Variants in SLC24A2 observed in about 807,000 individuals in gnomAD.
SLC24A2 encodes sodium/potassium/calcium exchanger 2.
In SLC24A2, 36 loss-of-function variants were observed where a neutral mutation model predicts 62.0. That is an observed-to-expected ratio of 0.58 (90% confidence interval 0.44 to 0.77). SLC24A2 has a LOEUF of 0.77. Among genes scored for constraint, SLC24A2 ranks in the 30% least tolerant of loss-of-function variants. The pLI is 0.00. For synonymous variants in SLC24A2, 358 were observed against 294.0 expected (o/e 1.22, Z -2.23); for missense variants, 846 against 817.9 (o/e 1.03, Z -0.42).
At chr9:20,273,056 C>A in the SLC24A2 span, among the ~76,000 whole-genome samples, 1 of 152,212 alleles carries the variant, frequency 6.6e-6, no homozygotes, top group Admixed American at 6.5e-5. Context: ...GTGACTTCCA[C>A]AGTGTGAGGC....
the SLC24A2 span, among the ~76,000 whole-genome samples, chr9:19,923,836 C>T: frequency 2.6e-5 from 4 of 152,162 alleles, no homozygotes; most frequent in East Asian, 1.9e-4. Context: ...CAATCTCCGC[C>T]TCCCAGGTTC....
At chr9:19,545,882 C>T (rs1235820390) in intron 8 of SLC24A2, among the ~76,000 whole-genome samples, 1 of 152,100 alleles carries the variant, frequency 6.6e-6, no homozygotes, top group East Asian at 1.9e-4. Flanking sequence ...TGTGATCTGC[C>T]CTCCTCGGCC....
the SLC24A2 span, among the ~76,000 whole-genome samples, chr9:19,896,317 T>G: frequency 6.6e-6 from 1 of 152,202 alleles, no homozygotes; most frequent in Admixed American, 6.5e-5. Flanking sequence ...ACATATGAAA[T>G]GTGAAACAGC....
chr9:19,930,661 A>T, the SLC24A2 span, among the ~76,000 whole-genome samples: 39 of 152,314 alleles, frequency 2.6e-4, no homozygotes, highest in Admixed American at 4.6e-4. Flanking sequence ...GGCTGCACAT[A>T]CAGACATATT....
At chr9:20,112,872 T>C in the SLC24A2 span, among the ~76,000 whole-genome samples, 36 of 151,908 alleles carry the variant, frequency 2.4e-4, no homozygotes, top group African/African-American at 8.2e-4. Flanking sequence ...ATCTAGTTGG[T>C]AGAGTACAAG....
the SLC24A2 span, among the ~76,000 whole-genome samples, chr9:20,288,286 T>C: frequency 1.3e-5 from 2 of 152,156 alleles, no homozygotes; most frequent in Admixed American, 6.6e-5. Flanking sequence ...CAAGGGTTCA[T>C]ATGGCAGTTT....
the SLC24A2 span, among the ~76,000 whole-genome samples, chr9:20,289,538 CA>C: frequency 6.6e-6 from 1 of 152,178 alleles, no homozygotes; most frequent in Admixed American, 6.5e-5. Context: ...TCGGTTCTCT[CA>C]TTGTGAAATG....
At chr9:20,255,957 C>T in the SLC24A2 span, among the ~76,000 whole-genome samples, 1 of 152,158 alleles carries the variant, frequency 6.6e-6, no homozygotes, top group African/African-American at 2.4e-5. Context: ...TTTATCTGCT[C>T]ACAGTTCTGG....
the SLC24A2 span, among the ~76,000 whole-genome samples, chr9:19,835,065 C>A: frequency 6.6e-6 from 1 of 152,050 alleles, no homozygotes; most frequent in Admixed American, 6.5e-5. Flanking sequence ...TAAAAGAGCT[C>A]CTGAAGGAAG....
the SLC24A2 span, among the ~76,000 whole-genome samples, chr9:19,838,457 A>C: frequency 1.8e-4 from 21 of 117,706 alleles, no homozygotes; most frequent in African/African-American, 8.7e-4. Flanking sequence ...ACCTAAAACC[A>C]CACACACACA....
intron 2 of SLC24A2, among the ~76,000 whole-genome samples, chr9:19,773,614 C>T (rs1822755776): frequency 6.6e-6 from 1 of 152,194 alleles, no homozygotes. Flanking sequence ...CCACTATCAA[C>T]TTCTTGAAGC....
chr9:19,832,579 C>A, the SLC24A2 span, among the ~76,000 whole-genome samples: 1 of 152,106 alleles, frequency 6.6e-6, no homozygotes, highest in South Asian at 2.1e-4. Flanking sequence ...ACACCTTATA[C>A]AAAAATTAAT....
At chr9:19,846,420 T>C in the SLC24A2 span, among the ~76,000 whole-genome samples, 20 of 152,208 alleles carry the variant, frequency 1.3e-4, no homozygotes, top group African/African-American at 4.8e-4. Flanking sequence ...ACACTTGTTC[T>C]TTTCGTTTTC....
chr9:19,739,018 G>A (rs1381240011), intron 2 of SLC24A2, among the ~76,000 whole-genome samples: 1 of 152,146 alleles, frequency 6.6e-6, no homozygotes. Context: ...TCATGAGGCT[G>A]AGGCAGAAGA....
the SLC24A2 span, among the ~76,000 whole-genome samples, chr9:19,827,411 GAA>G: frequency 6.6e-6 from 1 of 152,044 alleles, no homozygotes; most frequent in Non-Finnish European, 1.5e-5. Flanking sequence ...GGGCTGCTCT[GAA>G]AAGTTACCCT....
the SLC24A2 span, among the ~76,000 whole-genome samples, chr9:20,044,128 G>A: frequency 6.7e-6 from 1 of 150,016 alleles, no homozygotes; most frequent in South Asian, 2.1e-4. Flanking sequence ...TTTTTTTTTA[G>A]CAGTAAAGTA....
At chr9:20,008,597 C>T in the SLC24A2 span, among the ~76,000 whole-genome samples, 1 of 152,138 alleles carries the variant, frequency 6.6e-6, no homozygotes, top group South Asian at 2.1e-4. Flanking sequence ...TGGAGAAATC[C>T]TCTTATATTC....
At chr9:20,016,303 AT>A in the SLC24A2 span, among the ~76,000 whole-genome samples, 2 of 152,210 alleles carry the variant, frequency 1.3e-5, no homozygotes, top group African/African-American at 2.4e-5. Flanking sequence ...TAGATACTTT[AT>A]TGATTTATAC....
chr9:20,249,723 A>AT, the SLC24A2 span, among the ~76,000 whole-genome samples: 3 of 151,740 alleles, frequency 2.0e-5, 1 homozygote, highest in African/African-American at 7.3e-5. Context: ...AAAAAAAAAA[A>AT]AAATGAGACA....
Sources: gnomAD v4.1 joint callset for allele counts (sites outside exome capture counted in the v4.1 genomes callset) on GRCh38, gnomAD v4.1.1 for gene constraint, MANE v1.5 for transcripts, NCBI Gene and HGNC (gene_info 2026-07-23, HGNC 2026-07-21) for gene names.